FCHSD2: variants seen among roughly 807,000 people sequenced by gnomAD.
The protein encoded by FCHSD2 is F-BAR and double SH3 domains protein 2.
A neutral mutation model predicts 108.1 loss-of-function variants in FCHSD2; 38 were observed. The ratio of observed to expected loss-of-function variants is 0.35; its 90% CI spans 0.27 to 0.46. The LOEUF is 0.46. Ranked by LOEUF, FCHSD2 falls within the 20% of genes least tolerant of loss-of-function variation. The probability of loss-of-function intolerance (pLI) is 1.00; values close to 1 mark genes in which losing one functional copy is unlikely to be tolerated. For synonymous variants in FCHSD2, 279 were observed against 314.7 expected (o/e 0.89, Z 1.20); for missense variants, 751 against 897.8 (o/e 0.84, Z 2.09).
rs984829374 is a variant in FCHSD2 at position 72,989,202 on chromosome 11, G to T, written c.388-105C>A. ...CTATGCCTTCAGGATGGAAATCCAG[G>T]GGAAAAGTCAGTACGTTCAGTGTCC... is the stretch of plus-strand genomic sequence containing the variant. On this transcript the variant is annotated intron_variant, in intron 5 of 19. Transcript: ENST00000409418. 1.8e-5 allele frequency: 15 copies of T among 833,590 alleles called. No homozygotes were observed. In the African/African-American group the frequency reaches 1.9e-4, roughly 11 times the overall value. The allele number at this position is 833,590 out of a possible 1,614,324, so 51.6% of individuals were successfully genotyped here. A position where few individuals can be genotyped will look rare whatever the true frequency, so the allele number is the denominator to read the frequency against.
At chr11:72,978,858 T>C (rs891246370) in intron 8 of FCHSD2, among the ~76,000 whole-genome samples, 15 of 145,074 alleles carry the variant, frequency 1.0e-4, no homozygotes, top group Non-Finnish European at 1.8e-4. Context: ...CTCTTTCTTT[T>C]TTTTTTTTTT....
intron 5 of FCHSD2, among the ~76,000 whole-genome samples, chr11:72,998,842 G>A (rs1857569010): frequency 6.6e-6 from 1 of 152,196 alleles, no homozygotes; most frequent in African/African-American, 2.4e-5. Context: ...AGGCTGTAGA[G>A]AAATTGGAGC....
intron 8 of FCHSD2, among the ~76,000 whole-genome samples, chr11:72,983,565 T>A (rs900171370): frequency 6.6e-6 from 1 of 152,172 alleles, no homozygotes; most frequent in Non-Finnish European, 1.5e-5. Context: ...AGATACACTA[T>A]AAAAATATAT....
chr11:73,073,922 C>A, intron 3 of FCHSD2, among the ~76,000 whole-genome samples: 1 of 151,854 alleles, frequency 6.6e-6, no homozygotes, highest in African/African-American at 2.4e-5. Context: ...CTTAAAGATT[C>A]AAACCAAGTC....
At chr11:72,959,220 CTTTT>C (rs11408216) in intron 8 of FCHSD2, among the ~76,000 whole-genome samples, 12 of 56,322 alleles carry the variant, frequency 2.1e-4, no homozygotes, top group South Asian at 9.1e-4. Context: ...ATCCAGCAGT[CTTTT>C]TTTTTTTTTT....
intron 3 of FCHSD2, among the ~76,000 whole-genome samples, chr11:73,078,497 A>AACT (rs1461536145): frequency 6.6e-6 from 1 of 152,178 alleles, no homozygotes; most frequent in Admixed American, 6.5e-5. Context: ...ATAAAGAATG[A>AACT]ACTACTACTA....
At chr11:72,903,195 TTATTTATTTATA>T (rs57926217) in intron 9 of FCHSD2, among the ~76,000 whole-genome samples, 71,845 of 112,472 alleles carry the variant, frequency 0.64, 18,196 homozygotes, top group South Asian at 0.69. Context: ...ATTTATTTAT[TTATTTATTTATA>T]TATTTATTTA....
intron 9 of FCHSD2, among the ~76,000 whole-genome samples, chr11:72,905,555 G>A (rs761229430): frequency 6.6e-5 from 10 of 152,100 alleles, no homozygotes; most frequent in African/African-American, 1.7e-4. Context: ...CATCATTTAC[G>A]TTAGGTATTT....
chr11:72,856,704 G>T (rs924195657), intron 13 of FCHSD2, among the ~76,000 whole-genome samples: 1 of 152,130 alleles, frequency 6.6e-6, no homozygotes, highest in South Asian at 2.1e-4. Flanking sequence ...TCATCAGTCA[G>T]TTCGGTGGCA....
At chr11:73,080,318 A>T (rs79429231) in intron 3 of FCHSD2, among the ~76,000 whole-genome samples, 1 of 150,534 alleles carries the variant, frequency 6.6e-6, no homozygotes, top group Non-Finnish European at 1.5e-5. Flanking sequence ...AAAAAAAAAA[A>T]AGAAAGAAAG....
rs1565339614 is a variant in FCHSD2 at position 72,954,196 on chromosome 11, A to AATTTTTTTT, written c.705+29891_705+29892insAAAAAAAAT. Among the ~76,000 whole-genome samples the AATTTTTTTT allele has an allele frequency of 2.7e-5, 3 of 111,702 alleles. 1 individual carries two copies. Among genetic ancestry groups the AATTTTTTTT allele is most frequent in the African/African-American group, 3.4e-5 (1 of 29,398 alleles). 73.3% of individuals were successfully genotyped at this position (111,702 alleles called of 152,430 possible). ...TAGAATATTAGCAGTAGATGTGGGG[A>AATTTTTTTT]TTTTTTTTTTTTTTTTTTTTTTTTT... is the stretch of plus-strand genomic sequence containing the variant. On this transcript the variant is annotated intron_variant, in intron 8 of 19. Coordinates refer to ENST00000409418, the MANE Select transcript of FCHSD2 (RefSeq NM_014824.3).
At chr11:72,989,417 CATG>C (rs1481250182) in intron 5 of FCHSD2, among the ~76,000 whole-genome samples, 5 of 152,146 alleles carry the variant, frequency 3.3e-5, no homozygotes, top group Admixed American at 1.3e-4. Context: ...TTGGAGATAT[CATG>C]ATAATAAAAT....
At chr11:72,989,189 G>C in intron 5 of FCHSD2, 92 bp from the exon 6 acceptor site, 1 of 974,144 alleles carries the variant, frequency 1.0e-6, no homozygotes, top group Non-Finnish European at 1.5e-6. Flanking sequence ...ATGCCTTCAG[G>C]ATGGAAATCC....
intron 3 of FCHSD2, among the ~76,000 whole-genome samples, chr11:73,080,146 T>C (rs2135510295): frequency 6.6e-6 from 1 of 151,322 alleles, no homozygotes; most frequent in South Asian, 2.1e-4. Flanking sequence ...AAAATAAAAA[T>C]ACTAGACGGG....
At chr11:72,842,865 T>C (rs1377011341) in intron 16 of FCHSD2, 24 bp from the exon 17 acceptor site, 1 of 1,587,836 alleles carries the variant, frequency 6.3e-7, no homozygotes, top group Admixed American at 1.7e-5. Flanking sequence ...GAAAAACAAA[T>C]CTGGTAAGAT....
At chr11:72,865,824 G>A (rs1316839765) in intron 13 of FCHSD2, among the ~76,000 whole-genome samples, 1 of 152,138 alleles carries the variant, frequency 6.6e-6, no homozygotes, top group African/African-American at 2.4e-5. Flanking sequence ...TCCAAGGTGT[G>A]CAGATGAGTT....
intron 17 of FCHSD2, 108 bp from the exon 18 acceptor site, chr11:72,841,691 T>C (rs1860957797): frequency 1.2e-5 from 14 of 1,181,858 alleles, no homozygotes; most frequent in African/African-American, 7.8e-5. Flanking sequence ...GCTAAGCTGA[T>C]TGTTGAAACT....
At chr11:72,889,605 T>C (rs899611663) in intron 11 of FCHSD2, among the ~76,000 whole-genome samples, 1 of 152,066 alleles carries the variant, frequency 6.6e-6, no homozygotes, top group African/African-American at 2.4e-5. Context: ...CCCAGCTACT[T>C]GGGAGGCTGA....
chr11:73,009,260 C>G (rs780217464), intron 4 of FCHSD2, among the ~76,000 whole-genome samples: 9 of 152,076 alleles, frequency 5.9e-5, no homozygotes, highest in Non-Finnish European at 1.2e-4. Flanking sequence ...GTTTGGGAGG[C>G]TGAGGTGGGC....
Sources: allele counts gnomAD v4.1 joint callset (sites outside exome capture counted in the v4.1 genomes callset), GRCh38; gene constraint gnomAD v4.1.1; transcripts MANE v1.5; gene names NCBI Gene and HGNC (gene_info 2026-07-23, HGNC 2026-07-21).